Variants in RTCB observed in about 807,000 individuals in gnomAD.
RTCB encodes RNA 2',3'-cyclic phosphate and 5'-OH ligase.
RTCB carries 32 observed loss-of-function variants against 58.2 expected under a neutral mutation model. That is an observed-to-expected ratio of 0.55 (90% CI 0.41 to 0.74). The LOEUF is 0.74. Ranked by LOEUF, RTCB falls within the 30% of genes least tolerant of loss-of-function variation. The pLI, the probability that RTCB is intolerant of heterozygous loss-of-function variation, is 0.00. For synonymous variants in RTCB, 247 were observed against 218.6 expected, an observed-to-expected ratio of 1.13 and a Z score of -1.15; for missense variants, 523 against 639.0, an observed-to-expected ratio of 0.82 and a Z score of 1.96.
At position 32,407,466 on chromosome 22, in the gene RTCB, C is replaced by G. The variant is rs575781714; in HGVS notation, c.241-705G>C. On this transcript the variant is annotated intron_variant, in intron 3 of 11. Coordinates refer to ENST00000216038, the MANE Select transcript of RTCB (RefSeq NM_014306.5). ...GCTATGCTGTCCTCTCTTCCTCCCC[C>G]TCAGTGCTAACCCTTAAACTTCTTG... The G allele has an allele frequency of 3.3e-5, 5 of 152,658 alleles. No individual in the cohort carries two copies. The East Asian group carries it at 9.6e-4, about 29-fold the overall frequency. The allele number at this position is 152,658 out of a possible 1,614,324, so 9.5% of individuals were successfully genotyped here.
At chr22:32,390,164 G>T (rs1234850548) in intron 11 of RTCB, among the ~76,000 whole-genome samples, 1 of 152,022 alleles carries the variant, frequency 6.6e-6, no homozygotes, top group Non-Finnish European at 1.5e-5. Flanking sequence ...TTATTTCATA[G>T]AACTTGCATG....
intron 5 of RTCB, 64 bp from the exon 6 acceptor site, chr22:32,399,823 C>A: frequency 1.4e-6 from 2 of 1,422,164 alleles, no homozygotes; most frequent in Non-Finnish European, 1.9e-6. Flanking sequence ...TAAGGATGAC[C>A]ACATCCTTAA....
Position 32,387,918 on chromosome 22 carries a change from G to A in RTCB, c.*74C>T. ...CAACTTGTCCCGCCTTGAGTCTGAT[G>A]TCAGAAGAGCATGTCAGTCCACTTC... On this transcript the variant is annotated 3_prime_UTR_variant, in exon 12 of 12. Transcript: ENST00000216038. The A allele has an allele frequency of 1.0e-6, 1 of 1,001,242 alleles. No individual in the cohort carries two copies. The highest frequency in any genetic ancestry group is 1.6e-6 in the Non-Finnish European group (1 of 630,896). 62.0% of individuals were successfully genotyped at this position (1,001,242 alleles called of 1,614,324 possible).
intron 9 of RTCB, among the ~76,000 whole-genome samples, chr22:32,394,570 G>A (rs538823127): frequency 6.6e-6 from 1 of 152,304 alleles, no homozygotes; most frequent in South Asian, 2.1e-4. Flanking sequence ...AAATCCAAAA[G>A]TGTAGAGAAG....
In RTCB at chr22:32,396,198, T is replaced by C. The variant is rs1933243303; in HGVS notation, c.866A>G (p.Asn289Ser). 3.7e-6 allele frequency: 6 copies of C among 1,614,238 alleles called. No homozygotes were observed. Among genetic ancestry groups the C allele is most frequent in the Non-Finnish European group, 5.1e-6 (6 of 1,180,032 alleles). The change falls in exon 8 of 12, where the codon AAT (asparagine) becomes AGT (serine). Residue 289 changes from asparagine to serine, a missense_variant. Around this residue, in one of 3 missense-constraint regions of RTCB, gnomAD observed 248 missense variants for 292.5 expected, o/e 0.85. Coordinates refer to ENST00000216038, the MANE Select transcript of RTCB (RefSeq NM_014306.5). ...TCGAGCACAAGCCAACTGCCGATCA[T>C]TGACTATAATCTTGTCTCTCTTCAT... ...KAMKRDKIIV[N>S]DRQLACARIA...
intron 8 of RTCB, 29 bp downstream of exon 8, chr22:32,396,045 T>G: frequency 6.2e-7 from 1 of 1,609,232 alleles, no homozygotes; most frequent in Non-Finnish European, 8.5e-7. Flanking sequence ...CATGAATGAC[T>G]CGGAACAGAA....
At chr22:32,392,007 A>G (rs1414273903) in intron 11 of RTCB, among the ~76,000 whole-genome samples, 1 of 152,228 alleles carries the variant, frequency 6.6e-6, no homozygotes, top group Admixed American at 6.5e-5. Context: ...GAGACTATAA[A>G]TGAACAGTAA....
rs536393959 is a variant in RTCB, at chr22:32,387,965, T to C, written c.*27A>G. 2.1e-6 allele frequency: 3 copies of C among 1,421,084 alleles called. No homozygotes were observed. The highest frequency in any genetic ancestry group is 2.3e-5 in the East Asian group (1 of 43,836). The allele number at this position is 1,421,084 out of a possible 1,614,324, so 88.0% of individuals were successfully genotyped here. On this transcript the variant is annotated 3_prime_UTR_variant, in exon 12 of 12. Coordinates refer to ENST00000216038, the MANE Select transcript of RTCB (RefSeq NM_014306.5). Reference sequence around the variant, plus strand: ...CTTCCACTTCAGAGAGGGTTGGTGGTGTCAGGCAGCCCTGCTGTCCAAGGT... The same window carrying C: ...CTTCCACTTCAGAGAGGGTTGGTGGCGTCAGGCAGCCCTGCTGTCCAAGGT...
rs559111996 is a variant in RTCB, at chr22:32,388,866, A to G, written c.1411-767T>C. ...CTGTGGCCTCTGGAACTCCTTCCAG[A>G]AGGAGCAAAATCCCCTCCCTCCCTT... is the stretch of plus-strand genomic sequence containing the variant. On this transcript the variant is annotated intron_variant, in intron 11 of 11. Transcript: ENST00000216038. Among the ~76,000 whole-genome samples, 6 of 152,258 alleles carry G rather than the reference A, an allele frequency of 3.9e-5. No homozygotes were observed. The South Asian group carries it at 1.2e-3, about 32-fold the overall frequency.
rs753623346 is a variant in RTCB at position 32,396,197 on chromosome 22, A to G, written c.867T>C (p.Asn289=). The G allele has an allele frequency of 6.2e-7, 1 of 1,614,214 alleles. No individual in the cohort carries two copies. Among genetic ancestry groups the G allele is most frequent in the Non-Finnish European group, 8.5e-7 (1 of 1,180,040 alleles). ...TTCGAGCACAAGCCAACTGCCGATC[A>G]TTGACTATAATCTTGTCTCTCTTCA... ...KAMKRDKIIV[N]DRQLACARIA... The change falls in exon 8 of 12, where the codon AAT becomes AAC. Residue 289 remains asparagine, a synonymous_variant. Coordinates refer to ENST00000216038, the MANE Select transcript of RTCB (RefSeq NM_014306.5).
At chr22:32,394,069 T>A in intron 9 of RTCB, 67 bp from the exon 10 acceptor site, 1 of 1,142,206 alleles carries the variant, frequency 8.8e-7, no homozygotes, top group Non-Finnish European at 1.3e-6. Flanking sequence ...GCATAAAATT[T>A]AAATTTTCTC....
At chr22:32,392,552 T>G (rs886221966) in intron 10 of RTCB, 193 bp from the exon 11 acceptor site, 1 of 757,986 alleles carries the variant, frequency 1.3e-6, no homozygotes, top group African/African-American at 1.7e-5. Context: ...GGCTGTCCTA[T>G]GCAGGGTATT....
At chr22:32,406,610 C>T (rs756478253) in intron 4 of RTCB, 52 bp downstream of exon 4, 105 of 1,306,586 alleles carry the variant, frequency 8.0e-5, no homozygotes, top group Non-Finnish European at 1.1e-4. Flanking sequence ...CGTGAGCCAC[C>T]GTGCCCGGCC....
intron 11 of RTCB, among the ~76,000 whole-genome samples, chr22:32,388,560 T>C (rs1424539553): frequency 1.3e-5 from 2 of 152,220 alleles, no homozygotes; most frequent in Admixed American, 1.3e-4. Context: ...AAAATTCATA[T>C]ATGTATAAAA....
Position 32,408,193 on chromosome 22 carries a change from G to A in RTCB, c.222C>T (p.Ala74=). 6.2e-7 allele frequency: 1 copy of A among 1,614,118 alleles called. No individual in the cohort carries two copies. The highest frequency in any genetic ancestry group is 8.5e-7 in the Non-Finnish European group (1 of 1,179,962). ...PAMKQIGNVA[A]LPGIVHRSIG... ...GACTCACATGAACAATTCCAGGCAG[G>A]GCTGCCACATTGCCAATCTGTTTCA... The change falls in exon 3 of 12, where the codon GCC becomes GCT. Residue 74 remains alanine (A), a synonymous_variant. Coordinates refer to ENST00000216038, the MANE Select transcript of RTCB (RefSeq NM_014306.5).
intron 5 of RTCB, among the ~76,000 whole-genome samples, chr22:32,401,262 A>AT (rs796341631): frequency 0.036 from 5,202 of 144,468 alleles, 281 homozygotes; most frequent in African/African-American, 0.12. Context: ...TGCCTAGTTA[A>AT]TTTTTTTTTT....
rs142752331 is a variant in RTCB, at chr22:32,394,844, C to T, written c.1179+182G>A. 2.0e-5 allele frequency among the ~76,000 whole-genome samples: 3 copies of T among 152,248 alleles called. No individual in the cohort carries two copies. In the East Asian group the frequency reaches 5.8e-4, roughly 29 times the overall value. ...CACTTGCTATAGCACACGGCACCAC[C>T]GCAAGCACAAATGATGGGGGAAGGA... On this transcript the variant is annotated intron_variant, in intron 9 of 11. Coordinates refer to ENST00000216038, the MANE Select transcript of RTCB (RefSeq NM_014306.5).
In RTCB at chr22:32,387,911, G is replaced by A. The variant is rs1933084437; in HGVS notation, c.*81C>T. 3 of 939,650 alleles carry A rather than the reference G, an allele frequency of 3.2e-6. No homozygotes were observed. Among genetic ancestry groups the A allele is most frequent in the African/African-American group, 1.6e-5 (1 of 62,134 alleles). The allele number at this position is 939,650 out of a possible 1,614,324, so 58.2% of individuals were successfully genotyped here. ...CACTTTGCAACTTGTCCCGCCTTGA[G>A]TCTGATGTCAGAAGAGCATGTCAGT... On this transcript the variant is annotated 3_prime_UTR_variant, in exon 12 of 12. Transcript: ENST00000216038.
chr22:32,408,849 G>C lies in RTCB; in HGVS notation c.94-16C>G. 6.3e-7 allele frequency: 1 copy of C among 1,593,992 alleles called. No individual in the cohort carries two copies. The highest frequency in any genetic ancestry group is 8.6e-7 in the Non-Finnish European group (1 of 1,161,696). On this transcript the variant is annotated splice_polypyrimidine_tract_variant and intron_variant, in intron 1 of 11. Coordinates refer to ENST00000216038, the MANE Select transcript of RTCB (RefSeq NM_014306.5). ...CACCTTCAACCTAGTACCAAGGAAAGTGAAAAGCAATGTCTGAGTACATGC... is the reference window on the plus strand; with the variant it reads ...CACCTTCAACCTAGTACCAAGGAAACTGAAAAGCAATGTCTGAGTACATGC...
Sources: allele counts gnomAD v4.1 joint callset (sites outside exome capture counted in the v4.1 genomes callset), GRCh38; gene constraint gnomAD v4.1.1; regional missense constraint gnomAD v4.1.1; transcripts MANE v1.5; gene names NCBI Gene and HGNC (gene_info 2026-07-23, HGNC 2026-07-21).